The following TCF12 variants were observed in gnomAD, a reference collection of about 807,000 sequenced individuals.
TCF12 encodes transcription factor 12.
A neutral mutation model predicts 86.0 loss-of-function variants in TCF12; 45 were observed. The observed-to-expected ratio is 0.52, with a 90% CI of 0.41 to 0.67. The LOEUF is 0.67. TCF12 is among the 30% of genes least tolerant of loss of function. TCF12 has a pLI of 0.00. For missense variants in TCF12, 881 were observed against 859.9 expected (o/e 1.02, Z -0.31); for synonymous variants, 330 against 299.6 (o/e 1.10, Z -1.05).
chr15:57,014,446 C>G (rs1351085356), intron 3 of TCF12, among the ~76,000 whole-genome samples: 1 of 151,966 alleles, frequency 6.6e-6, no homozygotes, highest in Non-Finnish European at 1.5e-5. Flanking sequence ...TTCTGACCTT[C>G]TCTCATTTCC....
intron 3 of TCF12, among the ~76,000 whole-genome samples, chr15:56,950,459 C>G (rs1405119385): frequency 6.6e-6 from 1 of 152,112 alleles, no homozygotes; most frequent in African/African-American, 2.4e-5. Context: ...CTCCTGGCCT[C>G]AGGTGATCTG....
intron 5 of TCF12, among the ~76,000 whole-genome samples, chr15:57,148,281 T>A (rs1241470630): frequency 6.6e-6 from 1 of 151,696 alleles, no homozygotes; most frequent in African/African-American, 2.4e-5. Context: ...TCTGAGGAAA[T>A]AATATTTGAA....
At chr15:57,007,763 T>C (rs1424476632) in intron 3 of TCF12, among the ~76,000 whole-genome samples, 2 of 36,106 alleles carry the variant, frequency 5.5e-5, no homozygotes, top group African/African-American at 1.5e-4. Flanking sequence ...TCCTTCTTTC[T>C]TTCTTTCTTT....
At chr15:57,103,661 C>T (rs2049915636) in intron 5 of TCF12, among the ~76,000 whole-genome samples, 1 of 152,150 alleles carries the variant, frequency 6.6e-6, no homozygotes, top group Admixed American at 6.5e-5. Context: ...GTTTGCCCCA[C>T]ACAGTATTTT....
chr15:57,100,888 A>G (rs908452781), intron 5 of TCF12, among the ~76,000 whole-genome samples: 3 of 152,304 alleles, frequency 2.0e-5, no homozygotes, highest in East Asian at 3.9e-4. Context: ...TTTAAATTGT[A>G]CAAGTATTAC....
chr15:56,950,401 T>G (rs1351284319), intron 3 of TCF12, among the ~76,000 whole-genome samples: 2 of 152,136 alleles, frequency 1.3e-5, no homozygotes, highest in Non-Finnish European at 2.9e-5. Context: ...AATTTTTGCA[T>G]TTTTAGTAGA....
In TCF12 at chr15:57,152,826, C is replaced by G. The variant is rs145251557; in HGVS notation, c.326-13576C>G. Among the ~76,000 whole-genome samples the G allele has an allele frequency of 1.4e-3, 219 of 151,806 alleles. 5 individuals are homozygous for G. In the East Asian group the frequency reaches 0.041, roughly 28 times the overall value. Reference sequence around the variant, plus strand: ...AATGAAAGACATCAAACCATAGATGCAAGACTTAAGAAACAACAAGAACTC... The same window carrying G: ...AATGAAAGACATCAAACCATAGATGGAAGACTTAAGAAACAACAAGAACTC... On this transcript the variant is annotated intron_variant, in intron 5 of 20. Coordinates refer to ENST00000333725, the MANE Select transcript of TCF12 (RefSeq NM_207037.2).
At chr15:56,941,577 G>A (rs547307680) in intron 3 of TCF12, among the ~76,000 whole-genome samples, 1 of 151,868 alleles carries the variant, frequency 6.6e-6, no homozygotes, top group Non-Finnish European at 1.5e-5. Context: ...GTTTCATTAT[G>A]TTGGCCAGGC....
chr15:57,191,530 G>A (rs1382931742), intron 6 of TCF12, among the ~76,000 whole-genome samples: 1 of 152,172 alleles, frequency 6.6e-6, no homozygotes, highest in Admixed American at 6.5e-5. Context: ...AAGTATTAAA[G>A]CAAAGACTAG....
intron 5 of TCF12, among the ~76,000 whole-genome samples, chr15:57,156,557 TTAAC>T (rs1422910224): frequency 6.6e-6 from 1 of 152,258 alleles, no homozygotes; most frequent in Non-Finnish European, 1.5e-5. Context: ...AACTGGCTAA[TTAAC>T]AATCATTTAT....
At chr15:56,992,412 A>G (rs186256044) in intron 3 of TCF12, among the ~76,000 whole-genome samples, 2 of 152,348 alleles carry the variant, frequency 1.3e-5, no homozygotes, top group Non-Finnish European at 2.9e-5. Flanking sequence ...TTTCTCACGT[A>G]GCAGCCAGGG....
At chr15:57,054,036 TGTGA>T (rs2067817231) in intron 3 of TCF12, among the ~76,000 whole-genome samples, 1 of 152,172 alleles carries the variant, frequency 6.6e-6, no homozygotes, top group South Asian at 2.1e-4. Flanking sequence ...ATTTTTCTTT[TGTGA>T]GTATGGAAAG....
chr15:57,008,325 A>G (rs1283585614), intron 3 of TCF12, among the ~76,000 whole-genome samples: 1 of 151,598 alleles, frequency 6.6e-6, no homozygotes, highest in Non-Finnish European at 1.5e-5. Context: ...AAAAATTGTT[A>G]TTTGTGTTAT....
At chr15:57,216,206 G>T (rs1229118225) in intron 8 of TCF12, among the ~76,000 whole-genome samples, 1 of 152,046 alleles carries the variant, frequency 6.6e-6, no homozygotes, top group Non-Finnish European at 1.5e-5. Flanking sequence ...GGAATCATCA[G>T]TTTGCTAATA....
intron 3 of TCF12, among the ~76,000 whole-genome samples, chr15:57,023,430 A>G (rs1168689599): frequency 6.6e-6 from 1 of 152,136 alleles, no homozygotes; most frequent in Non-Finnish European, 1.5e-5. Flanking sequence ...TGAAAAATAC[A>G]CCAATTGATG....
chr15:57,188,596 A>G (rs1187140877), intron 6 of TCF12, among the ~76,000 whole-genome samples: 2 of 152,220 alleles, frequency 1.3e-5, no homozygotes, highest in African/African-American at 4.8e-5. Flanking sequence ...ATTAAAACAT[A>G]TAGACCAATG....
chr15:56,941,012 C>A (rs906487027), intron 3 of TCF12, among the ~76,000 whole-genome samples: 4 of 150,230 alleles, frequency 2.7e-5, no homozygotes, highest in Admixed American at 1.3e-4. Flanking sequence ...CTTCTCACCT[C>A]AGCCTCCCAA....
In TCF12 at chr15:57,232,544, T is replaced by G. The variant is rs2615225; in HGVS notation, c.825+114T>G. 4.5e-3 allele frequency: 6,721 copies of G among 1,487,614 alleles called. 252 individuals carry two copies. The African/African-American group carries it at 0.082, about 18-fold the overall frequency. 92.2% of individuals were successfully genotyped at this position (1,487,614 alleles called of 1,614,324 possible). A position where few individuals can be genotyped will look rare whatever the true frequency, so the allele number is the denominator to read the frequency against. The stretch of plus-strand genomic sequence containing the variant: ...CAAAACTTCTGAAGTTTGAAGTACT[T>G]CAAGGCTTACCGCGTTTACCATGCC... On this transcript the variant is annotated intron_variant, in intron 10 of 20. Transcript: ENST00000333725.
At chr15:57,010,725 G>T (rs2064778409) in intron 3 of TCF12, among the ~76,000 whole-genome samples, 1 of 152,176 alleles carries the variant, frequency 6.6e-6, no homozygotes, top group Admixed American at 6.5e-5. Context: ...GAAGTTCATG[G>T]ATAGTTTCTG....
Sources: gnomAD v4.1 joint callset for allele counts (sites outside exome capture counted in the v4.1 genomes callset) on GRCh38, gnomAD v4.1.1 for gene constraint, MANE v1.5 for transcripts, NCBI Gene and HGNC (gene_info 2026-07-23, HGNC 2026-07-21) for gene names.